Variants in XPOT observed in about 807,000 individuals in gnomAD.
XPOT encodes the protein exportin for tRNA, also known as exportin-T.
XPOT carries 34 observed loss-of-function variants against 128.2 expected under a neutral mutation model. The ratio of observed to expected loss-of-function variants is 0.27; its 90% CI spans 0.20 to 0.35. XPOT has a LOEUF of 0.35. Ranked by LOEUF, XPOT falls within the 10% of genes least tolerant of loss-of-function variation. The pLI is 1.00. For missense variants in XPOT, 838 were observed against 1,125.3 expected, an observed-to-expected ratio of 0.74 and a Z score of 3.65; for synonymous variants, 348 against 394.3, an observed-to-expected ratio of 0.88 and a Z score of 1.39.
chr12:64,415,009 G>A lies in XPOT; in HGVS notation c.143+20G>A, dbSNP rs1053379137. On this transcript the variant is annotated intron_variant, in intron 3 of 24. Transcript: ENST00000332707. ...ATACAGGTAATTAAAAACAAAATTT[G>A]CATGACAATTTAAATTTCTGTGGAC... 1 of 1,489,528 alleles carries A rather than the reference G, an allele frequency of 6.7e-7. No individual in the cohort carries two copies. 92.3% of individuals were successfully genotyped at this position (1,489,528 alleles called of 1,614,324 possible).
intron 14 of XPOT, 24 bp downstream of exon 14, chr12:64,425,481 C>T (rs769471500): frequency 6.2e-7 from 1 of 1,610,694 alleles, no homozygotes; most frequent in South Asian, 1.1e-5. Flanking sequence ...ATTTTTGTTA[C>T]TTTCCATGGG....
intron 4 of XPOT, among the ~76,000 whole-genome samples, chr12:64,417,608 A>G (rs1180733515): frequency 6.6e-6 from 1 of 152,164 alleles, no homozygotes; most frequent in Non-Finnish European, 1.5e-5. Flanking sequence ...AAGTCAGAAT[A>G]TCTGGTAACA....
At chr12:64,434,948 A>C in intron 21 of XPOT, 39 bp downstream of exon 21, 1,417 of 1,490,596 alleles carry the variant, frequency 9.5e-4, no homozygotes, top group Non-Finnish European at 1.2e-3. Flanking sequence ...TGTGTAGCTC[A>C]TATATTCCCA....
At chr12:64,434,194 A>G (rs1461204027) in intron 19 of XPOT, among the ~76,000 whole-genome samples, 1 of 151,820 alleles carries the variant, frequency 6.6e-6, no homozygotes, top group East Asian at 1.9e-4. Flanking sequence ...TAGAGATGGG[A>G]TCTCACCACG....
At chr12:64,442,527 T>C (rs1592341470) in intron 23 of XPOT, 1 of 152,472 alleles carries the variant, frequency 6.6e-6, no homozygotes, top group East Asian at 1.9e-4. Flanking sequence ...TGGCTTTCAG[T>C]GTTGCTTTGT....
Position 64,425,193 on chromosome 12 carries a change from T to A in XPOT, c.1452+11T>A, listed in dbSNP as rs767449028. ...GATATGATGCGAACTGTAAGTATAC[T>A]GGAGATAATTTTGACCATAAATTTC... On this transcript the variant is annotated intron_variant, in intron 13 of 24. Transcript: ENST00000332707. The A allele has an allele frequency of 6.2e-7, 1 of 1,613,752 alleles. No homozygotes were observed. The highest frequency in any genetic ancestry group is 1.1e-5 in the South Asian group (1 of 91,056).
rs1305265085 is a variant in XPOT, at chr12:64,449,577, T to C, written c.*1446T>C. The C allele has an allele frequency of 6.6e-6, 1 of 152,258 alleles. No individual in the cohort carries two copies. The highest frequency in any genetic ancestry group is 2.4e-5 in the African/African-American group (1 of 41,476). 9.4% of individuals were successfully genotyped at this position (152,258 alleles called of 1,614,324 possible). On this transcript the variant is annotated 3_prime_UTR_variant, in exon 25 of 25. Transcript: ENST00000332707. ...GGGCTTCAGTGGCTTATAAACTCTGTAAAATTCTATTCTAAATTTTGTACA... is the reference window on the plus strand; with the variant it reads ...GGGCTTCAGTGGCTTATAAACTCTGCAAAATTCTATTCTAAATTTTGTACA...
chr12:64,446,826 TC>T (rs1236313770), intron 24 of XPOT, among the ~76,000 whole-genome samples: 1 of 152,144 alleles, frequency 6.6e-6, no homozygotes, highest in East Asian at 1.9e-4. Flanking sequence ...GATCATTCTT[TC>T]CCCTGCACAT....
intron 2 of XPOT, among the ~76,000 whole-genome samples, chr12:64,414,384 G>A (rs899014001): frequency 6.6e-6 from 1 of 152,104 alleles, no homozygotes; most frequent in African/African-American, 2.4e-5. Flanking sequence ...TCTCTTTAGG[G>A]AACTTACATG....
chr12:64,433,258 G>A (rs2040254054), intron 18 of XPOT, among the ~76,000 whole-genome samples, 156 bp from the exon 19 acceptor site: 1 of 152,060 alleles, frequency 6.6e-6, no homozygotes, highest in Admixed American at 6.6e-5. Context: ...GTAATGTTTA[G>A]GTTATATAGA....
intron 2 of XPOT, among the ~76,000 whole-genome samples, chr12:64,413,773 T>A (rs1179356672): frequency 6.6e-6 from 1 of 152,214 alleles, no homozygotes; most frequent in East Asian, 1.9e-4. Context: ...TATTTATAGG[T>A]ACATATGCAC....
intron 3 of XPOT, 81 bp downstream of exon 3, chr12:64,415,070 G>A (rs1392569058): frequency 1.2e-6 from 1 of 830,100 alleles, no homozygotes; most frequent in African/African-American, 1.7e-5. Context: ...TATTTGGAAA[G>A]TGTTTTCATA....
chr12:64,433,609 A>T lies in XPOT; in HGVS notation c.2452+6A>T. The T allele has an allele frequency of 8.2e-6, 13 of 1,583,238 alleles. No homozygotes were observed. Among genetic ancestry groups the T allele is most frequent in the Non-Finnish European group, 1.1e-5 (13 of 1,159,602 alleles). On this transcript the variant is annotated splice_donor_region_variant and intron_variant, in intron 19 of 24. Coordinates refer to ENST00000332707, the MANE Select transcript of XPOT (RefSeq NM_007235.6). ...CGAAGTTATAGCAAATCAAGGTGGG[A>T]ACACATGCCATATCTAATTTGTCTG...
At chr12:64,406,705 C>T (rs376085465) in intron 1 of XPOT, among the ~76,000 whole-genome samples, 84 of 152,182 alleles carry the variant, frequency 5.5e-4, no homozygotes, top group African/African-American at 2.0e-3. Context: ...ATAGCAAATT[C>T]AAGGAAGCTT....
intron 22 of XPOT, 70 bp downstream of exon 22, chr12:64,435,744 T>C: frequency 2.1e-6 from 3 of 1,436,316 alleles, no homozygotes; most frequent in East Asian, 2.5e-5. Flanking sequence ...TCTTGAAAGA[T>C]GTATCTTGTG....
chr12:64,425,498 C>T, intron 14 of XPOT, 41 bp downstream of exon 14: 1 of 1,605,910 alleles, frequency 6.2e-7, no homozygotes, highest in South Asian at 1.1e-5. Flanking sequence ...TGGGTTTCAG[C>T]TAATGACTTG....
chr12:64,436,163 G>C (rs927100324), intron 22 of XPOT, among the ~76,000 whole-genome samples: 5 of 152,092 alleles, frequency 3.3e-5, no homozygotes, highest in Middle Eastern at 3.2e-3. Flanking sequence ...CACCATGTTG[G>C]CCAGGGTGGT....
rs534936649 is a variant in XPOT at position 64,423,534 on chromosome 12, T to C, written c.1182+290T>C. On this transcript the variant is annotated intron_variant, in intron 11 of 24. Coordinates refer to ENST00000332707, the MANE Select transcript of XPOT (RefSeq NM_007235.6). ...AGTGGTGCCATCTCAGCTCACTGCA[T>C]CCTCTGCCTCCTGGGTTCAAGTGAT... Among the ~76,000 whole-genome samples, 11 of 151,524 alleles carry C rather than the reference T, an allele frequency of 7.3e-5. No individual in the cohort carries two copies. The East Asian group carries it at 1.6e-3, about 22-fold the overall frequency.
At chr12:64,409,010 T>TC (rs1351091377) in intron 1 of XPOT, among the ~76,000 whole-genome samples, 1 of 152,016 alleles carries the variant, frequency 6.6e-6, no homozygotes, top group East Asian at 1.9e-4. Flanking sequence ...GAAAAACTTT[T>TC]TTTTTTTTGA....
Sources: gnomAD v4.1 joint callset for allele counts (sites outside exome capture counted in the v4.1 genomes callset) on GRCh38, gnomAD v4.1.1 for gene constraint, MANE v1.5 for transcripts, NCBI Gene and HGNC (gene_info 2026-07-23, HGNC 2026-07-21) for gene names.